TRAPPC8: variants seen among roughly 807,000 people sequenced by gnomAD.
TRAPPC8 encodes trafficking protein particle complex subunit 8, also known as general sporulation gene 1 homolog.
A neutral mutation model predicts 174.3 loss-of-function variants in TRAPPC8; 54 were observed. The ratio of observed to expected loss-of-function variants is 0.31; its 90% CI spans 0.25 to 0.39. The LOEUF is 0.39. TRAPPC8 is among the 10% of genes least tolerant of loss of function. The probability of loss-of-function intolerance (pLI) is 1.00; values close to 1 mark genes in which losing one functional copy is unlikely to be tolerated. For missense variants in TRAPPC8, 1,531 were observed against 1,699.1 expected, an observed-to-expected ratio of 0.90 and a Z score of 1.74; for synonymous variants, 630 against 579.9, an observed-to-expected ratio of 1.09 and a Z score of -1.24.
chr18:31,868,620 T>C (rs886394722), intron 16 of TRAPPC8, among the ~76,000 whole-genome samples: 1 of 152,198 alleles, frequency 6.6e-6, no homozygotes, highest in African/African-American at 2.4e-5. Flanking sequence ...TAACAATGAA[T>C]ATAAATAATA....
chr18:31,835,036 C>T (rs1327150030), intron 27 of TRAPPC8, among the ~76,000 whole-genome samples: 1 of 152,144 alleles, frequency 6.6e-6, no homozygotes, highest in East Asian at 1.9e-4. Flanking sequence ...TTTCTTTCTA[C>T]TACCTCTCCT....
intron 24 of TRAPPC8, 142 bp from the exon 25 acceptor site, chr18:31,849,881 A>G (rs566878586): frequency 7.3e-5 from 50 of 686,058 alleles, no homozygotes; most frequent in Middle Eastern, 4.4e-4. Flanking sequence ...TACTTATTCA[A>G]TAATTCTTGT....
intron 12 of TRAPPC8, among the ~76,000 whole-genome samples, chr18:31,879,557 A>C (rs567142750): frequency 2.2e-4 from 34 of 152,216 alleles, no homozygotes; most frequent in African/African-American, 7.9e-4. Context: ...CATCTAGAGG[A>C]AACAGAAACA....
intron 1 of TRAPPC8, among the ~76,000 whole-genome samples, chr18:31,935,069 G>T (rs184175507): frequency 6.6e-6 from 1 of 151,918 alleles, no homozygotes; most frequent in South Asian, 2.1e-4. Flanking sequence ...GCTAGGCCGG[G>T]CGTGATGGCT....
At chr18:31,913,960 G>A (rs1177031368) in intron 4 of TRAPPC8, among the ~76,000 whole-genome samples, 1 of 151,976 alleles carries the variant, frequency 6.6e-6, no homozygotes, top group East Asian at 1.9e-4. Flanking sequence ...CAAGTCAGGA[G>A]TTAGAGACCA....
chr18:31,941,226 T>C (rs2038326412), intron 1 of TRAPPC8, among the ~76,000 whole-genome samples: 1 of 152,174 alleles, frequency 6.6e-6, no homozygotes. Flanking sequence ...GCAGATCACC[T>C]GAGGTCGGGA....
Position 31,867,476 on chromosome 18 carries a change from C to CTAGTTGT in TRAPPC8, c.2389-1_2389insACAACTA (p.Val797ThrfsTer6). 6.3e-7 allele frequency: 1 copy of CTAGTTGT among 1,593,458 alleles called. No homozygotes were observed. On this transcript the variant is annotated frameshift_variant and splice_region_variant. Transcript: ENST00000283351. LOFTEE classifies it high-confidence loss of function. ...CCAATCATTTCAGGTTCACTTGTAA[C>CTAGTTGT]CTAAAAAATAAATTTCATAAATTAT...
chr18:31,913,554 A>G, intron 4 of TRAPPC8, 32 bp from the exon 5 acceptor site: 2 of 1,533,098 alleles, frequency 1.3e-6, no homozygotes, highest in Non-Finnish European at 1.7e-6. Flanking sequence ...AATCTGAAGT[A>G]AAAGAGGAGC....
intron 21 of TRAPPC8, among the ~76,000 whole-genome samples, chr18:31,854,578 A>G (rs1032733799): frequency 6.6e-6 from 1 of 152,172 alleles, no homozygotes; most frequent in Non-Finnish European, 1.5e-5. Flanking sequence ...AGAACATTAC[A>G]GAATTAAGTA....
chr18:31,832,245 C>A, intron 27 of TRAPPC8, 72 bp from the exon 28 acceptor site: 3 of 824,840 alleles, frequency 3.6e-6, no homozygotes, highest in Non-Finnish European at 3.4e-6. Flanking sequence ...GAAAATAACA[C>A]TTAAGACTAT....
chr18:31,894,599 G>GA lies in TRAPPC8; in HGVS notation c.1596+3186dup, dbSNP rs754158446. ...ACTTAAAATATGAGAGTATGTACAG[G>GA]AAAAAAAAAATCACCTGAGGTAGAG... On this transcript the variant is annotated intron_variant, in intron 11 of 28. Coordinates refer to ENST00000283351, the MANE Select transcript of TRAPPC8 (RefSeq NM_014939.5). Among the ~76,000 whole-genome samples, 192 of 148,988 alleles carry GA rather than the reference G, an allele frequency of 1.3e-3. 1 individual carries two copies. Among genetic ancestry groups the GA allele is most frequent in the Middle Eastern group, 3.5e-3 (1 of 288 alleles).
chr18:31,831,987 G>C (rs761866220), intron 28 of TRAPPC8, 97 bp downstream of exon 28: 8 of 784,312 alleles, frequency 1.0e-5, no homozygotes, highest in African/African-American at 9.3e-5. Flanking sequence ...GGACAAGCTT[G>C]AGTAACTTTC....
At chr18:31,934,403 T>C (rs959806443) in intron 1 of TRAPPC8, among the ~76,000 whole-genome samples, 1 of 152,120 alleles carries the variant, frequency 6.6e-6, no homozygotes, top group Non-Finnish European at 1.5e-5. Context: ...TCTTGTATTA[T>C]CTGCATTCTT....
chr18:31,857,652 G>A lies in TRAPPC8; in HGVS notation c.3076C>T (p.Pro1026Ser). ...ATTGGCAGCTGCACTGAGGCTCCGG[G>A]TAGAAGAACAGTGTCAGGAAGGGGA... is the stretch of plus-strand genomic sequence containing the variant. Reference protein sequence around the residue: ...PVPLPDTVLLPGASVQLPMWL... With the variant: ...PVPLPDTVLLSGASVQLPMWL... Residue 1026 changes from proline (P) to serine (S), a missense_variant, in exon 20 of 29, where the codon CCC becomes TCC. Physicochemically the swap from Pro to Ser is moderately conservative, Grantham distance 74. Coordinates refer to ENST00000283351, the MANE Select transcript of TRAPPC8 (RefSeq NM_014939.5). 1 of 1,614,184 alleles carries A rather than the reference G, an allele frequency of 6.2e-7. No homozygotes were observed. Among genetic ancestry groups the A allele is most frequent in the South Asian group, 1.1e-5 (1 of 91,078 alleles).
chr18:31,911,964 C>T (rs2036931538), intron 5 of TRAPPC8, among the ~76,000 whole-genome samples: 1 of 151,676 alleles, frequency 6.6e-6, no homozygotes, highest in South Asian at 2.1e-4. Context: ...TTGACTACTA[C>T]CAAGCGGCAT....
At chr18:31,897,383 A>T (rs1255483881) in intron 11 of TRAPPC8, among the ~76,000 whole-genome samples, 1 of 152,212 alleles carries the variant, frequency 6.6e-6, no homozygotes, top group Non-Finnish European at 1.5e-5. Context: ...CTCAGTGATT[A>T]ATCTTTTAAA....
rs570094508 is a variant in TRAPPC8, at chr18:31,867,284, C to T, written c.2463+118G>A. The T allele has an allele frequency of 3.7e-5, 31 of 833,094 alleles. No homozygotes were observed. The Admixed American group carries it at 8.4e-4, about 23-fold the overall frequency. The allele number at this position is 833,094 out of a possible 1,614,324, so 51.6% of individuals were successfully genotyped here. On this transcript the variant is annotated intron_variant, in intron 17 of 28. Transcript: ENST00000283351. ...GAGCAATTCCTATGTCCTAATCTTC[C>T]AAATTTTAGTTCTTAAGAAAACTAG...
chr18:31,838,187 A>T (rs1568030341), intron 27 of TRAPPC8, among the ~76,000 whole-genome samples: 1 of 152,134 alleles, frequency 6.6e-6, no homozygotes, highest in Non-Finnish European at 1.5e-5. Flanking sequence ...CAAGGTCTTA[A>T]TTTTGCCCAG....
intron 13 of TRAPPC8, chr18:31,874,237 T>A (rs1364281590): frequency 1.1e-5 from 5 of 470,000 alleles, no homozygotes; most frequent in East Asian, 3.3e-5. Context: ...TTTTTTTTTT[T>A]AAGATTCTAA....
Sources: gnomAD v4.1 joint callset for allele counts (sites outside exome capture counted in the v4.1 genomes callset) on GRCh38, gnomAD v4.1.1 for gene constraint, MANE v1.5 for transcripts, NCBI Gene and HGNC (gene_info 2026-07-23, HGNC 2026-07-21) for gene names.